The following TXNDC16 variants were observed in gnomAD, a reference collection of about 807,000 sequenced individuals.
The protein encoded by TXNDC16 is thioredoxin domain containing 16.
TXNDC16 carries 74 observed loss-of-function variants against 85.6 expected under a neutral mutation model. That is an observed-to-expected ratio of 0.86 (90% CI 0.72 to 1.05). The LOEUF is 1.05. Ranked by LOEUF, TXNDC16 falls within the 50% of genes least tolerant of loss-of-function variation. The pLI, the probability that TXNDC16 is intolerant of heterozygous loss-of-function variation, is 0.00. For missense variants in TXNDC16, 959 were observed against 947.0 expected (o/e 1.01, Z -0.17); for synonymous variants, 335 against 326.5 (o/e 1.03, Z -0.28).
At chr14:52,519,114 C>G (rs183391239) in intron 7 of TXNDC16, 58 bp downstream of exon 7, 1 of 1,517,924 alleles carries the variant, frequency 6.6e-7, no homozygotes, top group African/African-American at 1.4e-5. Flanking sequence ...ATTTTAAGTA[C>G]TTCAACATAC....
chr14:52,487,596 T>C (rs546778289), intron 12 of TXNDC16, among the ~76,000 whole-genome samples: 1 of 152,184 alleles, frequency 6.6e-6, no homozygotes. Flanking sequence ...GCCCAACTGT[T>C]ACACTTAAAA....
At chr14:52,496,801 G>C (rs75347984) in intron 9 of TXNDC16, among the ~76,000 whole-genome samples, 22,095 of 151,572 alleles carry the variant, frequency 0.15, 1,661 homozygotes, top group African/African-American at 0.16. Flanking sequence ...GTAGAGATGG[G>C]GGTCTTCATA....
intron 13 of TXNDC16, 130 bp downstream of exon 13, chr14:52,482,692 T>C (rs1157966896): frequency 2.9e-6 from 2 of 689,984 alleles, no homozygotes; most frequent in Non-Finnish European, 4.5e-6. Context: ...AATGCTTCAA[T>C]GCACACAGTC....
At chr14:52,548,347 TG>T (rs2037980605) in intron 1 of TXNDC16, among the ~76,000 whole-genome samples, 1 of 152,074 alleles carries the variant, frequency 6.6e-6, no homozygotes, top group Non-Finnish European at 1.5e-5. Context: ...GAGCAGGTAA[TG>T]GTTGGTCAGC....
rs376792130 is a variant in TXNDC16, at chr14:52,521,120, C to CA, written c.393-1828_393-1827insT. The stretch of plus-strand genomic sequence containing the variant: ...ACTTAGTGAGAAGAATGGTGTTTTA[C>CA]TTTTTTTTTTGAGACGAAGTCTTGC... On this transcript the variant is annotated intron_variant, in intron 6 of 20. Coordinates refer to ENST00000281741, the MANE Select transcript of TXNDC16 (RefSeq NM_020784.3). Among the ~76,000 whole-genome samples the CA allele has an allele frequency of 2.8e-4, 42 of 148,398 alleles. 1 individual carries two copies. The Middle Eastern group carries it at 0.021, about 73-fold the overall frequency.
At chr14:52,540,019 T>A (rs548883364) in intron 4 of TXNDC16, among the ~76,000 whole-genome samples, 119 of 152,304 alleles carry the variant, frequency 7.8e-4, no homozygotes, top group African/African-American at 2.8e-3. Context: ...GTGCATGAGA[T>A]AACCCAGAGA....
Position 52,482,271 on chromosome 14 carries a change from G to A in TXNDC16, c.1271C>T (p.Ala424Val), listed in dbSNP as rs2036167185. The change falls in exon 14 of 21, where the codon GCA becomes GTA. Residue 424 changes from alanine (A) to valine (V), a missense_variant. Transcript: ENST00000281741. ...CACATCAATATAGGATTGCAAAAAT[G>A]CCATGGATACTGCTTGCCCTATATG... is the stretch of plus-strand genomic sequence containing the variant. ...FYAGWQAVSM[A>V]FLQSYIDVAV... 1 of 1,611,870 alleles carries A rather than the reference G, an allele frequency of 6.2e-7. No homozygotes were observed. The highest frequency in any genetic ancestry group is 8.5e-7 in the Non-Finnish European group (1 of 1,178,928).
chr14:52,479,399 T>C (rs1347576545), intron 14 of TXNDC16, among the ~76,000 whole-genome samples: 1 of 152,080 alleles, frequency 6.6e-6, no homozygotes, highest in Non-Finnish European at 1.5e-5. Context: ...GATATGATTG[T>C]TTATCTAGAA....
Position 52,459,861 on chromosome 14 carries a change from C to A in TXNDC16, c.1619-2687G>T, listed in dbSNP as rs367695360. On this transcript the variant is annotated intron_variant, in intron 16 of 20. Transcript: ENST00000281741. Reference sequence around the variant, plus strand: ...TGTAGAAAAGGCCTTCAATAAAATACCCCTTCATGTTAAAAACTCTCAATA... The same window carrying A: ...TGTAGAAAAGGCCTTCAATAAAATAACCCTTCATGTTAAAAACTCTCAATA... 3.7e-4 allele frequency among the ~76,000 whole-genome samples: 56 copies of A among 152,192 alleles called. No individual in the cohort carries two copies. In the East Asian group the frequency reaches 8.9e-3, roughly 24 times the overall value.
chr14:52,488,497 A>T lies in TXNDC16; in HGVS notation c.985-11T>A, dbSNP rs2036322093. On this transcript the variant is annotated splice_polypyrimidine_tract_variant and intron_variant, in intron 11 of 20. Coordinates refer to ENST00000281741, the MANE Select transcript of TXNDC16 (RefSeq NM_020784.3). ...TTCCACTGGAACTCCCTAGAAATAC[A>T]TTAATTTTTAAAAAATGAATATAGC... The T allele has an allele frequency of 1.3e-6, 2 of 1,575,862 alleles. No homozygotes were observed. Among genetic ancestry groups the T allele is most frequent in the Non-Finnish European group, 1.7e-6 (2 of 1,153,538 alleles).
chr14:52,465,377 G>C (rs1404650609), intron 16 of TXNDC16, among the ~76,000 whole-genome samples: 1 of 152,102 alleles, frequency 6.6e-6, no homozygotes, highest in East Asian at 1.9e-4. Flanking sequence ...TGGATCACGA[G>C]GTGAGGAGAT....
chr14:52,513,253 G>T (rs1373005859), intron 8 of TXNDC16, among the ~76,000 whole-genome samples: 1 of 152,100 alleles, frequency 6.6e-6, no homozygotes, highest in African/African-American at 2.4e-5. Context: ...CCAGAAACTA[G>T]AATAGTGTCT....
At position 52,442,513 on chromosome 14, in the gene TXNDC16, T is replaced by C. The variant is rs138406027; in HGVS notation, c.1843-1789A>G. The stretch of plus-strand genomic sequence containing the variant: ...TAGTTCATCCTGAAGTGCCAAATTC[T>C]GGCATATAACTTTCCCTTTTCAGTT... On this transcript the variant is annotated intron_variant, in intron 18 of 20. Coordinates refer to ENST00000281741, the MANE Select transcript of TXNDC16 (RefSeq NM_020784.3). 2.2e-3 allele frequency among the ~76,000 whole-genome samples: 341 copies of C among 152,346 alleles called. 2 individuals are homozygous for C. Among genetic ancestry groups the C allele is most frequent in the African/African-American group, 7.9e-3 (330 of 41,582 alleles).
intron 9 of TXNDC16, among the ~76,000 whole-genome samples, chr14:52,502,446 G>A (rs548036291): frequency 2.0e-4 from 30 of 152,270 alleles, no homozygotes; most frequent in Admixed American, 1.2e-3. Flanking sequence ...GTATTTCAAG[G>A]GGCTGTTGTT....
At chr14:52,524,373 T>G (rs2037277895) in intron 6 of TXNDC16, among the ~76,000 whole-genome samples, 1 of 152,254 alleles carries the variant, frequency 6.6e-6, no homozygotes, top group Admixed American at 6.5e-5. Flanking sequence ...TCTGACAAAA[T>G]ACAGTATTGT....
intron 9 of TXNDC16, among the ~76,000 whole-genome samples, chr14:52,494,031 T>C (rs534180359): frequency 3.3e-5 from 5 of 152,126 alleles, no homozygotes; most frequent in African/African-American, 1.2e-4. Context: ...TCCACCCACC[T>C]TGGCCTCCCA....
At chr14:52,454,649 C>CAA (rs34727206) in intron 18 of TXNDC16, among the ~76,000 whole-genome samples, 10,625 of 60,386 alleles carry the variant, frequency 0.18, 803 homozygotes, top group Non-Finnish European at 0.2. Context: ...ACTAAAAATA[C>CAA]AAAAAAAAAA....
intron 12 of TXNDC16, 45 bp downstream of exon 12, chr14:52,488,318 G>C: frequency 6.3e-7 from 1 of 1,599,098 alleles, no homozygotes; most frequent in Non-Finnish European, 8.5e-7. Flanking sequence ...TGACTTTATG[G>C]GTGCTGGGCA....
At chr14:52,461,754 G>A (rs993747506) in intron 16 of TXNDC16, among the ~76,000 whole-genome samples, 2 of 152,222 alleles carry the variant, frequency 1.3e-5, no homozygotes, top group Non-Finnish European at 2.9e-5. Context: ...GGTGGCCTAA[G>A]CATTGACGAC....
Sources: gnomAD v4.1 joint callset for allele counts (sites outside exome capture counted in the v4.1 genomes callset) on GRCh38, gnomAD v4.1.1 for gene constraint, MANE v1.5 for transcripts, NCBI Gene and HGNC (gene_info 2026-07-23, HGNC 2026-07-21) for gene names.